SYNPO2: variants seen among roughly 807,000 people sequenced by gnomAD.
SYNPO2 encodes the protein synaptopodin 2.
In SYNPO2, 56 loss-of-function variants were observed where a neutral mutation model predicts 85.0. The ratio of observed to expected loss-of-function variants is 0.66; its 90% CI spans 0.53 to 0.82. The LOEUF is 0.82. Among genes scored for constraint, SYNPO2 ranks in the 40% least tolerant of loss-of-function variants. SYNPO2 has a pLI of 0.00. For missense variants in SYNPO2, 1,575 were observed against 1,534.2 expected (o/e 1.03, Z -0.44); for synonymous variants, 602 against 591.1 (o/e 1.02, Z -0.27).
intron 1 of SYNPO2, among the ~76,000 whole-genome samples, chr4:118,889,525 G>T (rs1732293861): frequency 6.6e-6 from 1 of 152,178 alleles, no homozygotes; most frequent in African/African-American, 2.4e-5. Context: ...GAAACGCTCA[G>T]TTCAGCATAA....
intron 1 of SYNPO2, among the ~76,000 whole-genome samples, chr4:118,877,735 G>A (rs1414251655): frequency 2.0e-5 from 3 of 152,150 alleles, no homozygotes; most frequent in African/African-American, 7.2e-5. Flanking sequence ...GGAGAAAAGG[G>A]AACACTTACA....
chr4:119,038,866 G>A (rs1212056077), intron 4 of SYNPO2, among the ~76,000 whole-genome samples: 1 of 150,082 alleles, frequency 6.7e-6, no homozygotes, highest in Non-Finnish European at 1.5e-5. Context: ...TCCCAGCAAG[G>A]ACACTTTTAA....
At chr4:118,882,287 A>G (rs1732118920) in intron 1 of SYNPO2, among the ~76,000 whole-genome samples, 1 of 152,052 alleles carries the variant, frequency 6.6e-6, no homozygotes, top group African/African-American at 2.4e-5. Context: ...CCATGAGAAA[A>G]TGATTTGATT....
At chr4:119,002,917 T>G (rs1023135518) in intron 1 of SYNPO2, among the ~76,000 whole-genome samples, 1 of 152,178 alleles carries the variant, frequency 6.6e-6, no homozygotes, top group African/African-American at 2.4e-5. Flanking sequence ...CCAGCAATGC[T>G]TGCCTTCAAT....
chr4:118,890,491 T>C (rs1732326074), intron 1 of SYNPO2, among the ~76,000 whole-genome samples: 1 of 152,146 alleles, frequency 6.6e-6, no homozygotes, highest in African/African-American at 2.4e-5. Context: ...GTTGGGTTCC[T>C]TTAGGAGTCA....
intron 1 of SYNPO2, among the ~76,000 whole-genome samples, chr4:118,863,909 G>A (rs931973664): frequency 6.6e-6 from 1 of 152,114 alleles, no homozygotes; most frequent in Admixed American, 6.5e-5. Context: ...GCCCATCTTT[G>A]CTTCATTGAT....
chr4:118,874,452 T>C (rs554440313), intron 1 of SYNPO2, among the ~76,000 whole-genome samples: 5 of 152,336 alleles, frequency 3.3e-5, no homozygotes, highest in African/African-American at 9.6e-5. Context: ...TCCTAATTTG[T>C]GTGACATATA....
chr4:119,047,445 T>G (rs1466045635), intron 4 of SYNPO2, among the ~76,000 whole-genome samples: 1 of 152,226 alleles, frequency 6.6e-6, no homozygotes, highest in Non-Finnish European at 1.5e-5. Context: ...GTGCCCTTCT[T>G]GGCAGACAGA....
rs1553944820 is a variant in SYNPO2 at position 118,995,862 on chromosome 4, T to TTATCTTATC, written c.106-27563_106-27562insTATCTATCT. Reference sequence around the variant, plus strand: ...TTATCTGTCCATGTATCTATTTATCTTATCTATCTATCTATCTATCTATCT... The same window carrying TTATCTTATC: ...TTATCTGTCCATGTATCTATTTATCTTATCTTATCTATCTATCTATCTATCTATCTATCT... On this transcript the variant is annotated intron_variant, in intron 1 of 4. Coordinates refer to ENST00000307142, the MANE Select transcript of SYNPO2 (RefSeq NM_133477.3). Among the ~76,000 whole-genome samples the TTATCTTATC allele has an allele frequency of 4.7e-5, 7 of 148,302 alleles. No homozygotes were observed. In the East Asian group the frequency reaches 8.0e-4, roughly 17 times the overall value.
At chr4:118,904,016 A>C (rs1202175208) in intron 1 of SYNPO2, among the ~76,000 whole-genome samples, 1 of 152,084 alleles carries the variant, frequency 6.6e-6, no homozygotes, top group Non-Finnish European at 1.5e-5. Context: ...GTGCCCCGCC[A>C]ATGGTACAGA....
At chr4:118,853,349 T>C (rs1731452095) in intron 1 of SYNPO2, among the ~76,000 whole-genome samples, 1 of 152,222 alleles carries the variant, frequency 6.6e-6, no homozygotes, top group African/African-American at 2.4e-5. Flanking sequence ...CTTATGTTTA[T>C]TCTCTTCATA....
At chr4:118,928,777 GTTGTATTT>G (rs1228840446) in intron 1 of SYNPO2, among the ~76,000 whole-genome samples, 2 of 152,142 alleles carry the variant, frequency 1.3e-5, no homozygotes, top group Admixed American at 1.3e-4. Flanking sequence ...GTTTGATTAT[GTTGTATTT>G]TTGTATTTGT....
Position 118,970,309 on chromosome 4 carries a change from T to A in SYNPO2, c.106-53121T>A, listed in dbSNP as rs1453999312. On this transcript the variant is annotated intron_variant, in intron 1 of 4. Coordinates refer to ENST00000307142, the MANE Select transcript of SYNPO2 (RefSeq NM_133477.3). ...TTATTCAGAACAAAATATAGATAAA[T>A]AAATGTTTTATTGAGAAATTTCCAA... Among the ~76,000 whole-genome samples the A allele has an allele frequency of 4.6e-5, 7 of 152,166 alleles. No individual in the cohort carries two copies. In the South Asian group the frequency reaches 1.4e-3, roughly 31 times the overall value.
At chr4:119,051,344 T>C (rs1020645692) in intron 4 of SYNPO2, among the ~76,000 whole-genome samples, 11 of 149,020 alleles carry the variant, frequency 7.4e-5, no homozygotes, top group Non-Finnish European at 1.0e-4. Context: ...CGCCCGCCAC[T>C]ACGCCCGGCT....
intron 4 of SYNPO2, chr4:119,034,463 A>C: frequency 1.0e-6 from 1 of 985,424 alleles, no homozygotes; most frequent in Non-Finnish European, 1.2e-6. Context: ...TTGATAACTA[A>C]AGATGCAAAT....
rs1420360829 is a variant in SYNPO2, at chr4:119,032,304, T to C, written c.3252+277T>C. 14 of 1,345,610 alleles carry C rather than the reference T, an allele frequency of 1.0e-5. No homozygotes were observed. In the South Asian group the frequency reaches 1.4e-4, roughly 13 times the overall value. 83.4% of individuals were successfully genotyped at this position (1,345,610 alleles called of 1,614,324 possible). ...GCACCCCAAAATAGACATGTACCGTTATATTAAGTAAGCAGGAGACTTAGG... is the reference window on the plus strand; with the variant it reads ...GCACCCCAAAATAGACATGTACCGTCATATTAAGTAAGCAGGAGACTTAGG... On this transcript the variant is annotated intron_variant, in intron 4 of 4. Transcript: ENST00000307142.
At chr4:118,853,570 T>C in intron 1 of SYNPO2, among the ~76,000 whole-genome samples, 1 of 152,062 alleles carries the variant, frequency 6.6e-6, no homozygotes, top group Non-Finnish European at 1.5e-5. Context: ...CTCTCTAGTT[T>C]AGAACTTTTC....
chr4:118,881,957 A>G (rs1197896029), intron 1 of SYNPO2, among the ~76,000 whole-genome samples: 3 of 152,222 alleles, frequency 2.0e-5, no homozygotes, highest in East Asian at 1.9e-4. Flanking sequence ...TTGCGTAACT[A>G]TTAAATATAG....
At chr4:119,012,414 A>G (rs1341337607) in intron 1 of SYNPO2, among the ~76,000 whole-genome samples, 5 of 109,556 alleles carry the variant, frequency 4.6e-5, no homozygotes, top group Admixed American at 1.2e-4. Flanking sequence ...AAGTTCTGGG[A>G]TACATGTGCA....
Sources: allele counts gnomAD v4.1 joint callset (sites outside exome capture counted in the v4.1 genomes callset), GRCh38; gene constraint gnomAD v4.1.1; transcripts MANE v1.5; gene names NCBI Gene and HGNC (gene_info 2026-07-23, HGNC 2026-07-21).